MRPL45: variants seen among roughly 807,000 people sequenced by gnomAD.
The protein encoded by MRPL45 is large ribosomal subunit protein mL45.
A neutral mutation model predicts 38.1 loss-of-function variants in MRPL45; 20 were observed. The observed-to-expected ratio is 0.53, with a 90% CI of 0.37 to 0.76. The LOEUF is 0.76. Ranked by LOEUF, MRPL45 falls within the 30% of genes least tolerant of loss-of-function variation. MRPL45 has a pLI of 0.00. For synonymous variants in MRPL45, 105 were observed against 128.8 expected (o/e 0.82, Z 1.25); for missense variants, 337 against 395.6 (o/e 0.85, Z 1.26).
chr17:38,317,451 C>T (rs200642881), intron 4 of MRPL45, among the ~76,000 whole-genome samples: 2 of 152,166 alleles, frequency 1.3e-5, no homozygotes, highest in East Asian at 1.9e-4. Context: ...GGGGAAAAGT[C>T]GTGTGTATCT....
chr17:38,302,044 G>GAGGC (rs1369812338), intron 3 of MRPL45, among the ~76,000 whole-genome samples: 1 of 147,806 alleles, frequency 6.8e-6, no homozygotes, highest in Non-Finnish European at 1.5e-5. Context: ...GTGAACTCAG[G>GAGGC]AGGCAGAGCT....
chr17:38,305,478 A>C (rs2037043521), intron 3 of MRPL45, among the ~76,000 whole-genome samples: 1 of 150,680 alleles, frequency 6.6e-6, no homozygotes, highest in Admixed American at 6.6e-5. Flanking sequence ...CAAAAAAAAA[A>C]AAAAAGAAGC....
chr17:38,297,723 G>A (rs2036950978), intron 1 of MRPL45, among the ~76,000 whole-genome samples: 1 of 152,130 alleles, frequency 6.6e-6, no homozygotes. Flanking sequence ...AGTTTACAGC[G>A]AGACTCCCGA....
At chr17:38,306,465 G>T in intron 3 of MRPL45, 68 bp from the exon 4 acceptor site, 1 of 1,436,044 alleles carries the variant, frequency 7.0e-7, no homozygotes, top group Non-Finnish European at 9.5e-7. Flanking sequence ...ATGAATGGAG[G>T]TCAGTGTAGG....
At chr17:38,319,045 ATTTATTTT>A (rs1486361019) in intron 5 of MRPL45, among the ~76,000 whole-genome samples, 4 of 137,460 alleles carry the variant, frequency 2.9e-5, no homozygotes, top group African/African-American at 1.2e-4. Flanking sequence ...TTATTTATTT[ATTTATTTT>A]GAGATGGAGT....
In MRPL45 at chr17:38,320,752, C is replaced by T. The variant is rs753270896; in HGVS notation, c.645C>T (p.Arg215=). 1.7e-5 allele frequency: 28 copies of T among 1,614,080 alleles called. No individual in the cohort carries two copies. The highest frequency in any genetic ancestry group is 2.3e-5 in the Non-Finnish European group (27 of 1,180,038). The change falls in exon 6 of 8, where the codon CGC becomes CGT. Residue 215 remains arginine (R), a synonymous_variant. Transcript: ENST00000613675. ...QGNVYGQITV[R]MHTRQTLAIY... Reference sequence around the variant, plus strand: ...ACGTGTACGGCCAGATCACCGTACGCATGCACACCCGGCAGGTAGAGGCAC... The same window carrying T: ...ACGTGTACGGCCAGATCACCGTACGTATGCACACCCGGCAGGTAGAGGCAC...
chr17:38,312,577 C>A (rs1234756240), intron 4 of MRPL45, among the ~76,000 whole-genome samples: 1 of 152,002 alleles, frequency 6.6e-6, no homozygotes, highest in Non-Finnish European at 1.5e-5. Context: ...CTATGTTTAA[C>A]TTTTTGAAGG....
intron 4 of MRPL45, among the ~76,000 whole-genome samples, chr17:38,316,737 CAAAAAAAAA>C (rs61383463): frequency 5.7e-4 from 35 of 61,234 alleles, no homozygotes; most frequent in African/African-American, 1.4e-3. Context: ...TGGTGCAATC[CAAAAAAAAA>C]AAAAAAAAAA....
intron 4 of MRPL45, among the ~76,000 whole-genome samples, chr17:38,314,546 G>A (rs1223511215): frequency 6.6e-6 from 1 of 152,162 alleles, no homozygotes; most frequent in Non-Finnish European, 1.5e-5. Context: ...CAAATCCAGT[G>A]TCATGAAGTA....
rs534959918 is a variant in MRPL45 at position 38,321,547 on chromosome 17, C to T, written c.661-579C>T. Reference sequence around the variant, plus strand: ...GTACACTACAAATAGAAAAATTGGCCGGGCATCATGGTGTGTGCCCGTAGT... The same window carrying T: ...GTACACTACAAATAGAAAAATTGGCTGGGCATCATGGTGTGTGCCCGTAGT... On this transcript the variant is annotated intron_variant, in intron 6 of 7. Coordinates refer to ENST00000613675, the MANE Select transcript of MRPL45 (RefSeq NM_032351.6). Among the ~76,000 whole-genome samples the T allele has an allele frequency of 5.9e-5, 9 of 151,972 alleles. No individual in the cohort carries two copies. In the South Asian group the frequency reaches 1.5e-3, roughly 25 times the overall value.
intron 5 of MRPL45, among the ~76,000 whole-genome samples, chr17:38,320,111 AAAAT>A (rs1452125791): frequency 6.6e-6 from 1 of 152,176 alleles, no homozygotes; most frequent in East Asian, 1.9e-4. Flanking sequence ...CTCAAAAATA[AAAAT>A]AAATAAAAAA....
chr17:38,310,663 T>C (rs554779377), intron 4 of MRPL45, among the ~76,000 whole-genome samples: 4 of 152,280 alleles, frequency 2.6e-5, no homozygotes, highest in Non-Finnish European at 5.9e-5. Flanking sequence ...TCTTGCGCTG[T>C]CACTCAGGCT....
Position 38,321,689 on chromosome 17 carries a change from CA to C in MRPL45, c.661-425del, listed in dbSNP as rs879257139. ...CTGGGCAACAGCAAGACTCCGTCTC[CA>C]AAAAAAAAAAATTTAAAAAGATTTT... is the stretch of plus-strand genomic sequence containing the variant. On this transcript the variant is annotated intron_variant, in intron 6 of 7. Coordinates refer to ENST00000613675, the MANE Select transcript of MRPL45 (RefSeq NM_032351.6). Among the ~76,000 whole-genome samples, 1,303 of 132,738 alleles carry C rather than the reference CA, an allele frequency of 9.8e-3. 6 individuals carry two copies. Among genetic ancestry groups the C allele is most frequent in the Non-Finnish European group, 0.012 (755 of 61,652 alleles). The allele number at this position is 132,738 out of a possible 152,430, so 87.1% of individuals were successfully genotyped here.
chr17:38,313,353 T>TATAC, intron 4 of MRPL45, among the ~76,000 whole-genome samples: 2 of 19,100 alleles, frequency 1.0e-4, no homozygotes, highest in African/African-American at 4.8e-4. Context: ...TATACGTATA[T>TATAC]ATATATATAT....
chr17:38,305,197 C>T (rs1005578138), intron 3 of MRPL45, among the ~76,000 whole-genome samples: 28 of 134,610 alleles, frequency 2.1e-4, no homozygotes, highest in African/African-American at 6.9e-4. Flanking sequence ...TGCCAGGTGC[C>T]ATGGCTCAGG....
At chr17:38,308,137 T>C (rs1164278870) in intron 4 of MRPL45, among the ~76,000 whole-genome samples, 1 of 152,184 alleles carries the variant, frequency 6.6e-6, no homozygotes, top group African/African-American at 2.4e-5. Flanking sequence ...CCAGTCATTT[T>C]TTTTTTTCCC....
intron 5 of MRPL45, among the ~76,000 whole-genome samples, chr17:38,320,000 A>G (rs1049374865): frequency 1.1e-4 from 16 of 152,126 alleles, no homozygotes; most frequent in Non-Finnish European, 1.9e-4. Context: ...CTACTCGGGA[A>G]GCTGAGGCAA....
At chr17:38,301,277 T>C (rs1303623778) in intron 3 of MRPL45, among the ~76,000 whole-genome samples, 3 of 152,144 alleles carry the variant, frequency 2.0e-5, no homozygotes, top group African/African-American at 7.2e-5. Context: ...GTTTTACTCT[T>C]GTTGCCCAGG....
intron 4 of MRPL45, among the ~76,000 whole-genome samples, chr17:38,315,845 T>A (rs1398897905): frequency 2.0e-5 from 3 of 151,958 alleles, no homozygotes; most frequent in Non-Finnish European, 2.9e-5. Context: ...CGATCTCGGC[T>A]CATTGCAGCC....
Sources: allele counts gnomAD v4.1 joint callset (sites outside exome capture counted in the v4.1 genomes callset), GRCh38; gene constraint gnomAD v4.1.1; transcripts MANE v1.5; gene names NCBI Gene and HGNC (gene_info 2026-07-23, HGNC 2026-07-21).